Variants in OXR1 observed in about 807,000 individuals in gnomAD.
OXR1 encodes oxidation resistance protein 1.
In OXR1, 41 loss-of-function variants were observed where a neutral mutation model predicts 104.6. The observed-to-expected ratio is 0.39, with a 90% CI of 0.31 to 0.51. The LOEUF (loss-of-function observed/expected upper bound fraction) is 0.51. Ranked by LOEUF, OXR1 falls within the 20% of genes least tolerant of loss-of-function variation. The probability of loss-of-function intolerance (pLI) is 0.77; values close to 1 mark genes in which losing one functional copy is unlikely to be tolerated. For missense variants in OXR1, 955 were observed against 1,031.9 expected (o/e 0.93, Z 1.02); for synonymous variants, 348 against 348.4 (o/e 1.00, Z 0.01).
chr8:106,535,855 C>T (rs1396493375), intron 3 of OXR1, among the ~76,000 whole-genome samples: 2 of 152,070 alleles, frequency 1.3e-5, no homozygotes, highest in African/African-American at 4.8e-5. Flanking sequence ...TCATTCATTC[C>T]ATACCTCCTA....
chr8:106,552,972 C>A (rs1815969857), intron 3 of OXR1, among the ~76,000 whole-genome samples: 2 of 152,102 alleles, frequency 1.3e-5, no homozygotes, highest in African/African-American at 4.8e-5. Flanking sequence ...TTTTATTCTC[C>A]TTCTCTTTTA....
intron 3 of OXR1, among the ~76,000 whole-genome samples, chr8:106,564,335 A>T (rs1419016382): frequency 2.6e-5 from 4 of 152,188 alleles, no homozygotes; most frequent in Non-Finnish European, 5.9e-5. Context: ...ACAAACTACC[A>T]TCAGAGAATA....
intron 1 of OXR1, among the ~76,000 whole-genome samples, chr8:106,343,339 A>G (rs1003016828): frequency 5.3e-5 from 8 of 152,256 alleles, no homozygotes; most frequent in Non-Finnish European, 7.3e-5. Context: ...GACCATGTCC[A>G]GATCGCTTAA....
At chr8:106,395,504 C>T (rs909865646) in intron 2 of OXR1, among the ~76,000 whole-genome samples, 1 of 152,140 alleles carries the variant, frequency 6.6e-6, no homozygotes, top group African/African-American at 2.4e-5. Flanking sequence ...GAGACTTATT[C>T]ACTATCACAA....
intron 11 of OXR1, among the ~76,000 whole-genome samples, chr8:106,732,382 A>G (rs575988155): frequency 6.6e-6 from 1 of 152,214 alleles, no homozygotes; most frequent in East Asian, 1.9e-4. Context: ...TAATTTATAT[A>G]ACTTTGTCTT....
intron 7 of OXR1, among the ~76,000 whole-genome samples, chr8:106,694,837 AAT>A (rs1289546002): frequency 5.7e-5 from 7 of 122,700 alleles, no homozygotes; most frequent in South Asian, 4.6e-4. Flanking sequence ...TTATATATAT[AAT>A]ATATATATTT....
At chr8:106,311,290 C>T (rs1030383987) in intron 1 of OXR1, among the ~76,000 whole-genome samples, 1 of 151,954 alleles carries the variant, frequency 6.6e-6, no homozygotes, top group Non-Finnish European at 1.5e-5. Flanking sequence ...TAAAGTTTTC[C>T]TCTGTTCTTG....
intron 1 of OXR1, among the ~76,000 whole-genome samples, chr8:106,345,648 A>G (rs1815446910): frequency 6.6e-6 from 1 of 152,246 alleles, no homozygotes; most frequent in African/African-American, 2.4e-5. Flanking sequence ...AGAAAATCCC[A>G]TGTATTAAAA....
chr8:106,312,385 C>T (rs1253679513), intron 1 of OXR1, among the ~76,000 whole-genome samples: 1 of 152,164 alleles, frequency 6.6e-6, no homozygotes, highest in Non-Finnish European at 1.5e-5. Flanking sequence ...TGGCTTCCGC[C>T]AGAGTGAGCA....
rs1230602895 is a variant in OXR1 at position 106,358,879 on chromosome 8, ATAATTTAATTCACTAAATAATTTAGTGAG to A, written c.-138-568_-138-540del. ...TTTAATTCACTAAATAATTTAGTGA[ATAATTTAATTCACTAAATAATTTAGTGAG>A]TAATTTAATTCACTAAATAATTTAG... On this transcript the variant is annotated intron_variant, in intron 1 of 16. Coordinates refer to ENST00000517566, the MANE Select transcript of OXR1 (RefSeq NM_001198533.2). Among the ~76,000 whole-genome samples the A allele has an allele frequency of 1.5e-3, 197 of 135,488 alleles. 1 individual carries two copies. The highest frequency in any genetic ancestry group is 4.4e-3 in the African/African-American group (162 of 37,122). The allele number at this position is 135,488 out of a possible 152,430, so 88.9% of individuals were successfully genotyped here. A position where few individuals can be genotyped will look rare whatever the true frequency, so the allele number is the denominator to read the frequency against.
chr8:106,588,099 C>G (rs1426511781), intron 3 of OXR1, among the ~76,000 whole-genome samples: 1 of 151,654 alleles, frequency 6.6e-6, no homozygotes, highest in African/African-American at 2.4e-5. Flanking sequence ...CTACAGGCAC[C>G]CGCCACCACG....
At chr8:106,421,157 G>T (rs1818888608) in intron 2 of OXR1, among the ~76,000 whole-genome samples, 1 of 152,050 alleles carries the variant, frequency 6.6e-6, no homozygotes, top group South Asian at 2.1e-4. Flanking sequence ...CCAAATAGAT[G>T]ATTTCTTAGA....
chr8:106,362,274 A>G (rs1367080545), intron 2 of OXR1, among the ~76,000 whole-genome samples: 2 of 152,110 alleles, frequency 1.3e-5, no homozygotes, highest in Non-Finnish European at 2.9e-5. Flanking sequence ...AGTTGACCAT[A>G]TCCACGTGTT....
In OXR1 at chr8:106,696,311, C is replaced by G. The variant is rs140997521; in HGVS notation, c.675+3434C>G. ...TCTTTTGCGGATTGACACCTTAATTCTTTTTACTAATATTACTGAATATTC... is the reference window on the plus strand; with the variant it reads ...TCTTTTGCGGATTGACACCTTAATTGTTTTTACTAATATTACTGAATATTC... On this transcript the variant is annotated intron_variant, in intron 7 of 16. Coordinates refer to ENST00000517566, the MANE Select transcript of OXR1 (RefSeq NM_001198533.2). 2.6e-3 allele frequency among the ~76,000 whole-genome samples: 400 copies of G among 152,252 alleles called. 5 individuals carry two copies. Among genetic ancestry groups the G allele is most frequent in the Non-Finnish European group, 1.0e-3 (71 of 68,012 alleles).
At chr8:106,618,548 G>T in intron 3 of OXR1, among the ~76,000 whole-genome samples, 1 of 152,140 alleles carries the variant, frequency 6.6e-6, no homozygotes, top group Non-Finnish European at 1.5e-5. Context: ...TTCATGTCCA[G>T]TGGCCATTTG....
intron 7 of OXR1, among the ~76,000 whole-genome samples, chr8:106,693,695 T>G (rs994802849): frequency 6.6e-6 from 1 of 152,148 alleles, no homozygotes; most frequent in Non-Finnish European, 1.5e-5. Context: ...CCTCCCAAAG[T>G]GCTGGGATTA....
intron 3 of OXR1, among the ~76,000 whole-genome samples, chr8:106,598,645 C>T (rs938201701): frequency 1.6e-4 from 24 of 152,154 alleles, no homozygotes; most frequent in African/African-American, 5.8e-4. Flanking sequence ...CTAACTAATG[C>T]CTTTTAATAT....
At chr8:106,707,270 G>C in intron 9 of OXR1, 125 bp downstream of exon 9, 1 of 790,216 alleles carries the variant, frequency 1.3e-6, no homozygotes, top group South Asian at 1.4e-5. Context: ...CCCTTGACCG[G>C]TGATTCTCTG....
At chr8:106,627,092 C>G (rs761612601) in intron 3 of OXR1, among the ~76,000 whole-genome samples, 27 of 151,982 alleles carry the variant, frequency 1.8e-4, no homozygotes, top group Non-Finnish European at 2.9e-4. Flanking sequence ...AAAGTACATT[C>G]TATTAAGCAA....
Sources: gnomAD v4.1 joint callset for allele counts (sites outside exome capture counted in the v4.1 genomes callset) on GRCh38, gnomAD v4.1.1 for gene constraint, MANE v1.5 for transcripts, NCBI Gene and HGNC (gene_info 2026-07-23, HGNC 2026-07-21) for gene names.